Variants in CEP112 observed in about 807,000 individuals in gnomAD.
CEP112 encodes centrosomal protein 112.
A neutral mutation model predicts 153.0 loss-of-function variants in CEP112; 127 were observed. The ratio of observed to expected loss-of-function variants is 0.83; its 90% CI spans 0.72 to 0.96. CEP112 has a LOEUF of 0.96. Ranked by LOEUF, CEP112 falls within the 40% of genes least tolerant of loss-of-function variation. The pLI is 0.00. For missense variants in CEP112, 1,089 were observed against 1,101.2 expected (o/e 0.99, Z 0.16); for synonymous variants, 358 against 374.4 (o/e 0.96, Z 0.51).
intron 21 of CEP112, among the ~76,000 whole-genome samples, chr17:65,779,615 A>AC (rs1247466096): frequency 1.3e-5 from 2 of 152,280 alleles, no homozygotes; most frequent in African/African-American, 4.8e-5. Context: ...AATGTCACTG[A>AC]TCCATATTTA....
At chr17:65,916,656 C>T (rs1187925906) in intron 19 of CEP112, among the ~76,000 whole-genome samples, 3 of 151,742 alleles carry the variant, frequency 2.0e-5, no homozygotes, top group Admixed American at 6.6e-5. Flanking sequence ...AAACAACCCT[C>T]GCACCTTAGC....
At chr17:65,784,317 G>C (rs1431253249) in intron 21 of CEP112, among the ~76,000 whole-genome samples, 1 of 152,174 alleles carries the variant, frequency 6.6e-6, no homozygotes, top group African/African-American at 2.4e-5. Flanking sequence ...TGCAGGGTCA[G>C]ACTGTTAGAA....
intron 24 of CEP112, among the ~76,000 whole-genome samples, chr17:65,675,721 TA>T (rs559518412): frequency 7.9e-5 from 12 of 151,060 alleles, no homozygotes; most frequent in African/African-American, 2.4e-4. Flanking sequence ...ATCTACAGGT[TA>T]AAAAAAAGGG....
At chr17:65,985,235 G>A (rs761373837) in intron 17 of CEP112, among the ~76,000 whole-genome samples, 37 of 152,144 alleles carry the variant, frequency 2.4e-4, no homozygotes, top group Non-Finnish European at 4.0e-4. Context: ...GATACCAAGA[G>A]GGCCCTGAAT....
intron 18 of CEP112, among the ~76,000 whole-genome samples, chr17:65,936,787 T>C (rs1477307110): frequency 1.2e-5 from 1 of 82,986 alleles, no homozygotes; most frequent in African/African-American, 3.9e-5. Context: ...AGTCTCTCCG[T>C]CTACCTCTCC....
chr17:66,114,972 A>G (rs2069217559), intron 6 of CEP112, among the ~76,000 whole-genome samples: 1 of 152,092 alleles, frequency 6.6e-6, no homozygotes, highest in Admixed American at 6.6e-5. Flanking sequence ...TAGGAGGCCG[A>G]GGCAGATGGA....
intron 21 of CEP112, among the ~76,000 whole-genome samples, chr17:65,756,392 C>A (rs1374057162): frequency 9.3e-6 from 1 of 107,364 alleles, no homozygotes; most frequent in Admixed American, 1.5e-4. Flanking sequence ...TGTGATGCAG[C>A]AAGACTCCGT....
At chr17:65,787,210 T>C (rs1231973930) in intron 21 of CEP112, among the ~76,000 whole-genome samples, 1 of 152,214 alleles carries the variant, frequency 6.6e-6, no homozygotes, top group African/African-American at 2.4e-5. Flanking sequence ...CCAGGCACAG[T>C]GGCTCACACC....
chr17:65,978,682 T>G (rs1165208595), intron 17 of CEP112, among the ~76,000 whole-genome samples: 2 of 152,242 alleles, frequency 1.3e-5, no homozygotes, highest in African/African-American at 4.8e-5. Context: ...CTAATGCAAA[T>G]TTTGACTGCA....
chr17:65,755,095 A>C (rs1389708794), intron 21 of CEP112, among the ~76,000 whole-genome samples: 1 of 152,182 alleles, frequency 6.6e-6, no homozygotes, highest in Non-Finnish European at 1.5e-5. Context: ...AAAGTTGAAA[A>C]AGAAAAAAAA....
In CEP112 at chr17:65,741,536, AAAATT is replaced by A. The variant is rs528890482; in HGVS notation, c.2607+1527_2607+1531del. Among the ~76,000 whole-genome samples the A allele has an allele frequency of 5.0e-3, 763 of 151,116 alleles. 3 individuals carry two copies. Among genetic ancestry groups the A allele is most frequent in the Non-Finnish European group, 6.0e-3 (407 of 67,722 alleles). ...AATAATTTAAAAATTAAGTAATTTAAAAATTAAATAATTAAAACTGTAAGAATTAG... is the reference window on the plus strand; with the variant it reads ...AATAATTTAAAAATTAAGTAATTTAAAAATAATTAAAACTGTAAGAATTAG... On this transcript the variant is annotated intron_variant, in intron 23 of 26. Transcript: ENST00000535342.
chr17:65,773,564 G>GT (rs913750588), intron 21 of CEP112, among the ~76,000 whole-genome samples: 4 of 152,028 alleles, frequency 2.6e-5, no homozygotes, highest in Non-Finnish European at 2.9e-5. Flanking sequence ...ATAAAGATGG[G>GT]TTTTTTTAAG....
chr17:66,069,926 C>T lies in CEP112; in HGVS notation c.844G>A (p.Asp282Asn). The T allele has an allele frequency of 1.3e-6, 2 of 1,593,654 alleles. No individual in the cohort carries two copies. The highest frequency in any genetic ancestry group is 1.7e-6 in the Non-Finnish European group (2 of 1,164,254). ...KLKLQQKHDA[D>N]VQKILERKNN... is the part of the protein sequence containing the mutation. ...GATATATATCCTACCTTCTGAACAT[C>T]AGCATCATGTTTCTGTTGCAGTTTA... is the stretch of plus-strand genomic sequence containing the variant. The change falls in exon 9 of 27, where the codon GAT becomes AAT. Residue 282 changes from aspartate to asparagine, a missense_variant. By Grantham distance (23) the Asp-to-Asn change is conservative (BLOSUM62 1). Coordinates refer to ENST00000535342, the MANE Select transcript of CEP112 (RefSeq NM_001199165.4).
intron 21 of CEP112, among the ~76,000 whole-genome samples, chr17:65,832,845 G>A (rs969351998): frequency 3.9e-5 from 6 of 152,012 alleles, no homozygotes; most frequent in African/African-American, 9.7e-5. Flanking sequence ...CCTCCCCAAC[G>A]CATTCTATGA....
At chr17:65,699,281 A>G (rs2048504907) in intron 23 of CEP112, among the ~76,000 whole-genome samples, 1 of 152,222 alleles carries the variant, frequency 6.6e-6, no homozygotes, top group Admixed American at 6.5e-5. Flanking sequence ...TACTGGTAAC[A>G]TTAACCAACT....
At chr17:65,692,121 C>T (rs956891116) in intron 23 of CEP112, among the ~76,000 whole-genome samples, 2 of 152,142 alleles carry the variant, frequency 1.3e-5, no homozygotes, top group Admixed American at 6.6e-5. Context: ...ATTTTGTGCA[C>T]CCAGTATTAT....
chr17:66,147,409 T>C (rs1019431958), intron 4 of CEP112, among the ~76,000 whole-genome samples: 9 of 152,174 alleles, frequency 5.9e-5, no homozygotes, highest in African/African-American at 1.9e-4. Context: ...TTTTCAAATA[T>C]ATGCTTTGCA....
chr17:66,100,394 C>T (rs1424817237), intron 6 of CEP112, among the ~76,000 whole-genome samples: 1 of 129,606 alleles, frequency 7.7e-6, no homozygotes, highest in East Asian at 2.2e-4. Context: ...AGTGAGATTC[C>T]CGTCTCAAAA....
intron 12 of CEP112, among the ~76,000 whole-genome samples, chr17:66,039,223 ATGG>A (rs2065870691): frequency 6.6e-6 from 1 of 152,150 alleles, no homozygotes; most frequent in Non-Finnish European, 1.5e-5. Flanking sequence ...AAAATGTCTC[ATGG>A]TCTTTTCATC....
Sources: allele counts gnomAD v4.1 joint callset (sites outside exome capture counted in the v4.1 genomes callset), GRCh38; gene constraint gnomAD v4.1.1; transcripts MANE v1.5; gene names NCBI Gene and HGNC (gene_info 2026-07-23, HGNC 2026-07-21).